Variants in LRP2 observed in about 807,000 individuals in gnomAD.
The protein encoded by LRP2 is LDL receptor related protein 2.
In LRP2, 172 loss-of-function variants were observed where a neutral mutation model predicts 531.0. The ratio of observed to expected loss-of-function variants is 0.32; its 90% CI spans 0.29 to 0.37. The LOEUF (loss-of-function observed/expected upper bound fraction) is 0.37, where lower values mean the gene tolerates loss of function less well. Ranked by LOEUF, LRP2 falls within the 10% of genes least tolerant of loss-of-function variation. The pLI is 1.00. For synonymous variants in LRP2, 1,992 were observed against 2,027.6 expected (o/e 0.98, Z 0.47); for missense variants, 5,167 against 5,868.3 (o/e 0.88, Z 3.90).
In LRP2 at chr2:169,211,974, C is replaced by T; in HGVS notation, c.6274G>A (p.Gly2092Ser). The change falls in exon 37 of 79, where the codon GGC becomes AGC. Residue 2092 changes from glycine (G) to serine (S), a missense_variant. Physicochemically the swap from Gly to Ser is moderately conservative, Grantham distance 56. Coordinates refer to ENST00000649046, the MANE Select transcript of LRP2 (RefSeq NM_004525.3). The stretch of plus-strand genomic sequence containing the variant: ...TATATTGGAGTTGGCATACCTTGGC[C>T]TGCCACCGGCACCATGGTTTCTGAA... The part of the protein sequence containing the change: ...DHSETMVPVA[G>S]QGRNALHVDV... 1 of 1,613,914 alleles carries T rather than the reference C, an allele frequency of 6.2e-7. No individual in the cohort carries two copies. The highest frequency in any genetic ancestry group is 8.5e-7 in the Non-Finnish European group (1 of 1,179,844).
intron 16 of LRP2, among the ~76,000 whole-genome samples, chr2:169,260,335 A>T (rs1288650129): frequency 6.6e-6 from 1 of 152,120 alleles, no homozygotes; most frequent in Non-Finnish European, 1.5e-5. Context: ...GGGGTGGTTG[A>T]CAGACACAGA....
At chr2:169,138,312 T>C (rs759719276) in intron 75 of LRP2, among the ~76,000 whole-genome samples, 2 of 152,172 alleles carry the variant, frequency 1.3e-5, no homozygotes, top group Non-Finnish European at 2.9e-5. Context: ...AGAAAGCTCT[T>C]CAATATTCAA....
At position 169,246,709 on chromosome 2, in the gene LRP2, T is replaced by G; in HGVS notation, c.3186A>C (p.Thr1062=). 6.2e-7 allele frequency: 1 copy of G among 1,614,240 alleles called. No homozygotes were observed. The highest frequency in any genetic ancestry group is 1.1e-5 in the South Asian group (1 of 91,082). The change falls in exon 21 of 79, where the codon ACA becomes ACC. Residue 1062 remains threonine (T), a synonymous_variant. Coordinates refer to ENST00000649046, the MANE Select transcript of LRP2 (RefSeq NM_004525.3). ...CGCCAGTGCATAGCTACTTACTAAG[T>G]GTGCCACATAGTTGCTCATCACTGT... The part of the protein sequence containing the change: ...HDNSDEQLCG[T]LNNTCSSSAF...
intron 48 of LRP2, among the ~76,000 whole-genome samples, chr2:169,190,653 T>C (rs980481031): frequency 1.1e-4 from 16 of 152,148 alleles, no homozygotes; most frequent in African/African-American, 3.6e-4. Flanking sequence ...TTCCTGATGC[T>C]CTCAATGTGC....
rs920563723 is a variant in LRP2 at position 169,173,373 on chromosome 2, T to G, written c.11015-149A>C. The stretch of plus-strand genomic sequence containing the variant: ...CGATATGTGTCTGTTTTAGATGTGA[T>G]CTGTTTACCATGAGCAGAAAAATAG... On this transcript the variant is annotated intron_variant, in intron 56 of 78. Transcript: ENST00000649046. The G allele has an allele frequency of 2.3e-5, 22 of 938,076 alleles. No individual in the cohort carries two copies. In the African/African-American group the frequency reaches 3.2e-4, roughly 14 times the overall value. The allele number at this position is 938,076 out of a possible 1,614,324, so 58.1% of individuals were successfully genotyped here.
intron 76 of LRP2, among the ~76,000 whole-genome samples, chr2:169,135,924 C>T (rs976015338): frequency 3.3e-5 from 5 of 152,092 alleles, no homozygotes; most frequent in African/African-American, 4.8e-5. Flanking sequence ...TTCTCCAAGC[C>T]GTCACAGCTG....
At chr2:169,221,237 C>T (rs1178392053) in intron 33 of LRP2, among the ~76,000 whole-genome samples, 1 of 152,146 alleles carries the variant, frequency 6.6e-6, no homozygotes, top group Admixed American at 6.5e-5. Flanking sequence ...GTTCAATAAA[C>T]TTCTATTGTT....
intron 13 of LRP2, 61 bp from the exon 14 acceptor site, chr2:169,275,299 G>A: frequency 1.5e-6 from 2 of 1,317,042 alleles, no homozygotes; most frequent in Non-Finnish European, 2.2e-6. Context: ...TATAATTAAA[G>A]CTGTAGTTAG....
At chr2:169,236,967 C>T in intron 28 of LRP2, 136 bp downstream of exon 28, 1 of 724,972 alleles carries the variant, frequency 1.4e-6, no homozygotes, top group Non-Finnish European at 2.5e-6. Context: ...CCCAGTTGGA[C>T]ACCTACCATG....
In LRP2 at chr2:169,185,819, T is replaced by G; in HGVS notation, c.9529A>C (p.Lys3177Gln). Residue 3177 changes from lysine to glutamine, a missense_variant, in exon 50 of 79, where the codon AAG becomes CAG. Lys to Gln is a moderately conservative substitution (Grantham distance 53, BLOSUM62 1). Around this residue, in one of 6 missense-constraint regions of LRP2, gnomAD observed 1,129 missense variants for 1,362.7 expected, o/e 0.83. Transcript: ENST00000649046. ...TCTCGGAGGTAGCCTGGGGCACACT[T>G]ACAGATGTAGGAGCCTATTACATTC... is the stretch of plus-strand genomic sequence containing the variant. ...CENVIGSYIC[K>Q]CAPGYLREPD... 1 of 1,613,968 alleles carries G rather than the reference T, an allele frequency of 6.2e-7. No homozygotes were observed. The highest frequency in any genetic ancestry group is 8.5e-7 in the Non-Finnish European group (1 of 1,179,960).
chr2:169,171,405 A>G (rs557225336), intron 58 of LRP2, among the ~76,000 whole-genome samples: 4 of 152,258 alleles, frequency 2.6e-5, no homozygotes, highest in African/African-American at 7.2e-5. Context: ...ATCTAATTTG[A>G]TATGATCTCA....
chr2:169,168,407 C>T (rs1462985568), intron 61 of LRP2, 132 bp downstream of exon 61: 4 of 1,115,834 alleles, frequency 3.6e-6, no homozygotes, highest in Non-Finnish European at 5.4e-6. Flanking sequence ...AGTGAAATAA[C>T]ACCAACGCTG....
intron 4 of LRP2, among the ~76,000 whole-genome samples, chr2:169,302,270 T>A (rs548988050): frequency 1.3e-5 from 2 of 152,308 alleles, no homozygotes; most frequent in East Asian, 3.9e-4. Context: ...CTGCTATGAC[T>A]AAATGGATTT....
intron 74 of LRP2, among the ~76,000 whole-genome samples, chr2:169,138,916 T>G (rs1006785447): frequency 2.0e-5 from 3 of 152,058 alleles, no homozygotes; most frequent in East Asian, 3.8e-4. Flanking sequence ...TCCTGAACCA[T>G]GAGATCTAAA....
At chr2:169,133,351 G>C (rs1399335446) in intron 76 of LRP2, among the ~76,000 whole-genome samples, 1 of 152,118 alleles carries the variant, frequency 6.6e-6, no homozygotes, top group African/African-American at 2.4e-5. Context: ...TTCATTACTT[G>C]TTTATTCTGA....
At chr2:169,304,622 C>G (rs77976147) in intron 4 of LRP2, among the ~76,000 whole-genome samples, 124 of 152,278 alleles carry the variant, frequency 8.1e-4, no homozygotes, top group African/African-American at 2.8e-3. Flanking sequence ...CCTAAACTTG[C>G]TATTCTGTGG....
chr2:169,283,366 C>T (rs1433261839), intron 9 of LRP2, among the ~76,000 whole-genome samples: 1 of 152,206 alleles, frequency 6.6e-6, no homozygotes, highest in Non-Finnish European at 1.5e-5. Flanking sequence ...CACTAACCCC[C>T]TGTGGCTATC....
At chr2:169,277,999 A>G in intron 12 of LRP2, 48 bp from the exon 13 acceptor site, 1 of 1,519,248 alleles carries the variant, frequency 6.6e-7, no homozygotes, top group East Asian at 2.3e-5. Flanking sequence ...TTTACAAGTT[A>G]ACCTGGGAAT....
intron 77 of LRP2, 24 bp from the exon 78 acceptor site, chr2:169,129,108 A>T (rs779599906): frequency 1.8e-5 from 27 of 1,463,158 alleles, no homozygotes; most frequent in Middle Eastern, 1.7e-4. Context: ...GGAAAACAAA[A>T]ACCTCTCAGT....
Sources: allele counts gnomAD v4.1 joint callset (sites outside exome capture counted in the v4.1 genomes callset), GRCh38; gene constraint gnomAD v4.1.1; regional missense constraint gnomAD v4.1.1; transcripts MANE v1.5; gene names NCBI Gene and HGNC (gene_info 2026-07-23, HGNC 2026-07-21).